Variants in CAD observed in about 807,000 individuals in gnomAD.
CAD encodes carbamoyl-phosphate synthetase 2, aspartate transcarbamylase, and dihydroorotase.
A neutral mutation model predicts 237.2 loss-of-function variants in CAD; 81 were observed. The observed-to-expected ratio is 0.34, with a 90% CI of 0.29 to 0.41. CAD has a LOEUF of 0.41. Ranked by LOEUF, CAD falls within the 10% of genes least tolerant of loss-of-function variation. The pLI is 1.00. For missense variants in CAD, 2,181 were observed against 2,951.7 expected (o/e 0.74, Z 6.05); for synonymous variants, 1,196 against 1,162.8 (o/e 1.03, Z -0.58).
chr2:27,229,112 G>T (rs1221309722), intron 15 of CAD, among the ~76,000 whole-genome samples: 1 of 150,320 alleles, frequency 6.7e-6, no homozygotes, highest in Non-Finnish European at 1.5e-5. Flanking sequence ...AGAGACGGGG[G>T]TTTCATCATA....
At position 27,224,894 on chromosome 2, in the gene CAD, C is replaced by G; in HGVS notation, c.1386+18C>G. The G allele has an allele frequency of 6.2e-7, 1 of 1,614,124 alleles. No individual in the cohort carries two copies. Among genetic ancestry groups the G allele is most frequent in the Non-Finnish European group, 8.5e-7 (1 of 1,180,004 alleles). ...TAACCCAGGTATGACTGGGGCAAGGCTGGAATGAAAAGAGGACTGGGCAGG... is the reference window on the plus strand; with the variant it reads ...TAACCCAGGTATGACTGGGGCAAGGGTGGAATGAAAAGAGGACTGGGCAGG... On this transcript the variant is annotated intron_variant, in intron 10 of 43. Coordinates refer to ENST00000264705, the MANE Select transcript of CAD (RefSeq NM_004341.5).
intron 2 of CAD, 85 bp from the exon 3 acceptor site, chr2:27,221,133 A>G: frequency 8.2e-7 from 1 of 1,218,840 alleles, no homozygotes; most frequent in Non-Finnish European, 1.1e-6. Context: ...GTGGCTGAAT[A>G]TAGGGTCTGT....
chr2:27,240,360 A>G lies in CAD; in HGVS notation c.5592A>G (p.Pro1864=). 1 of 1,613,944 alleles carries G rather than the reference A, an allele frequency of 6.2e-7. No homozygotes were observed. Among genetic ancestry groups the G allele is most frequent in the South Asian group, 1.1e-5 (1 of 91,070 alleles). The part of the protein sequence containing the change: ...RIHRASDPGL[P]AEEPKEKSSR... Reference sequence around the variant, plus strand: ...ATCGAGCCTCCGACCCAGGTTTGCCAGGTAAGAGTGGGGTTCCTGTGACTC... The same window carrying G: ...ATCGAGCCTCCGACCCAGGTTTGCCGGGTAAGAGTGGGGTTCCTGTGACTC... The change falls in exon 35 of 44, where the codon CCA becomes CCG. Residue 1864 remains proline, a splice_region_variant and synonymous_variant. Coordinates refer to ENST00000264705, the MANE Select transcript of CAD (RefSeq NM_004341.5). This position sits in a 1 kb window ranked among gnomAD's most constrained non-coding sequence, Gnocchi z 4.6.
At chr2:27,226,040 G>A in intron 12 of CAD, 91 bp from the exon 13 acceptor site, 1 of 1,487,846 alleles carries the variant, frequency 6.7e-7, no homozygotes, top group Non-Finnish European at 9.3e-7. Context: ...CAGGTTAGGT[G>A]CAGCCCCAGA....
At position 27,243,012 on chromosome 2, in the gene CAD, C is replaced by T. The variant is rs377723300; in HGVS notation, c.6480+39C>T. 1.6e-5 allele frequency: 24 copies of T among 1,514,002 alleles called. No individual in the cohort carries two copies. The African/African-American group carries it at 1.9e-4, about 12-fold the overall frequency. The allele number at this position is 1,514,002 out of a possible 1,614,324, so 93.8% of individuals were successfully genotyped here. On this transcript the variant is annotated intron_variant, in intron 42 of 43. Coordinates refer to ENST00000264705, the MANE Select transcript of CAD (RefSeq NM_004341.5). Reference sequence around the variant, plus strand: ...TTGAGGAAGAAGCCAGGGCTGCTGCCGTAGGGCATCAGATATGAGGACAGA... The same window carrying T: ...TTGAGGAAGAAGCCAGGGCTGCTGCTGTAGGGCATCAGATATGAGGACAGA...
At chr2:27,243,112 G>A in intron 42 of CAD, 86 bp from the exon 43 acceptor site, 1 of 1,422,112 alleles carries the variant, frequency 7.0e-7, no homozygotes, top group Non-Finnish European at 9.9e-7. Flanking sequence ...TGTGGGTGTG[G>A]AGGGGACCCC....
chr2:27,223,816 C>G, intron 7 of CAD, 68 bp downstream of exon 7: 1 of 1,576,020 alleles, frequency 6.3e-7, no homozygotes, highest in Non-Finnish European at 8.7e-7. Context: ...AAAAGTAAAG[C>G]ACGGCAGTGG....
intron 9 of CAD, 23 bp downstream of exon 9, chr2:27,224,513 C>G (rs926847362): frequency 2.5e-6 from 4 of 1,610,178 alleles, no homozygotes; most frequent in Non-Finnish European, 2.5e-6. Context: ...CCTCCCCACC[C>G]TTCTGGGCGT....
At chr2:27,221,591 A>G (rs1346853209) in intron 3 of CAD, among the ~76,000 whole-genome samples, 1 of 152,120 alleles carries the variant, frequency 6.6e-6, no homozygotes, top group African/African-American at 2.4e-5. Flanking sequence ...CCACCACTGG[A>G]TTATTTTGAT....
chr2:27,219,818 A>G (rs1675065785), intron 2 of CAD, among the ~76,000 whole-genome samples: 2 of 152,112 alleles, frequency 1.3e-5, no homozygotes, highest in African/African-American at 4.8e-5. Context: ...TGAACTCCCG[A>G]TCACAGGTGA....
At chr2:27,220,905 C>G (rs907338239) in intron 2 of CAD, among the ~76,000 whole-genome samples, 3 of 152,032 alleles carry the variant, frequency 2.0e-5, no homozygotes, top group Admixed American at 6.6e-5. Flanking sequence ...TTGCAGTGAG[C>G]TTAGATGTCG....
In CAD at chr2:27,235,437, T is replaced by C. The variant is rs1466451497; in HGVS notation, c.3969+10T>C. 1.2e-6 allele frequency: 2 copies of C among 1,608,738 alleles called. No homozygotes were observed. The highest frequency in any genetic ancestry group is 2.2e-5 in the East Asian group (1 of 44,780). The stretch of plus-strand genomic sequence containing the variant: ...CATTGGCAGCTATAAGGTATCAGAA[T>C]CCAGGAGGGCTTCCCGAGGGCCGTG... On this transcript the variant is annotated intron_variant, in intron 24 of 43. Transcript: ENST00000264705. The surrounding 1 kb of genome is among the most constrained non-coding windows in gnomAD (Gnocchi z 5.2).
chr2:27,221,147 C>A, intron 2 of CAD, 71 bp from the exon 3 acceptor site: 1 of 1,369,434 alleles, frequency 7.3e-7, no homozygotes. Context: ...GGTCTGTGGC[C>A]ACACAATCGG....
At chr2:27,231,892 C>T (rs1675777450) in intron 16 of CAD, 88 bp from the exon 17 acceptor site, 2 of 1,512,522 alleles carry the variant, frequency 1.3e-6, no homozygotes, top group Non-Finnish European at 1.8e-6. Flanking sequence ...TGTACAGTTT[C>T]CCCTTCCTGA....
intron 15 of CAD, among the ~76,000 whole-genome samples, chr2:27,230,625 T>C (rs189086052): frequency 7.0e-6 from 1 of 142,744 alleles, no homozygotes; most frequent in Non-Finnish European, 1.5e-5. Flanking sequence ...AAAGTCCATC[T>C]AAAAAAAAAA....
rs1156913183 is a variant in CAD, at chr2:27,234,322, AT to A, written c.3618+97del. Reference sequence around the variant, plus strand: ...AAGCCCTGCACTGTCTCCTGCCTTCATCCAAGTAGGCAGGGAAGCTGGAGGG... The same window carrying A: ...AAGCCCTGCACTGTCTCCTGCCTTCACCAAGTAGGCAGGGAAGCTGGAGGG... On this transcript the variant is annotated intron_variant, in intron 22 of 43. Transcript: ENST00000264705. 102 of 1,278,700 alleles carry A rather than the reference AT, an allele frequency of 8.0e-5. No homozygotes were observed. The Middle Eastern group carries it at 1.1e-3, about 14-fold the overall frequency. 79.2% of individuals were successfully genotyped at this position (1,278,700 alleles called of 1,614,324 possible). A position where few individuals can be genotyped will look rare whatever the true frequency, so the allele number is the denominator to read the frequency against.
At chr2:27,220,014 A>G (rs1377111787) in intron 2 of CAD, among the ~76,000 whole-genome samples, 1 of 151,902 alleles carries the variant, frequency 6.6e-6, no homozygotes, top group Non-Finnish European at 1.5e-5. Flanking sequence ...TTTTAATCAC[A>G]CTCTATAATT....
At chr2:27,223,310 A>G (rs558512520) in intron 6 of CAD, among the ~76,000 whole-genome samples, 1 of 152,242 alleles carries the variant, frequency 6.6e-6, no homozygotes, top group Non-Finnish European at 1.5e-5. Context: ...GTGCGCCTGT[A>G]ATCCCAGCTA....
chr2:27,222,065 C>T, intron 3 of CAD, 129 bp from the exon 4 acceptor site: 2 of 863,730 alleles, frequency 2.3e-6, no homozygotes, highest in Non-Finnish European at 3.6e-6. Context: ...CACAATGGCC[C>T]AGGATTTTGA....
Sources: gnomAD v4.1 joint callset for allele counts (sites outside exome capture counted in the v4.1 genomes callset) on GRCh38, gnomAD v4.1.1 for gene constraint, Gnocchi (gnomAD v3.1) non-coding constraint, MANE v1.5 for transcripts, NCBI Gene and HGNC (gene_info 2026-07-23, HGNC 2026-07-21) for gene names.